The following FOXP1 variants were observed in gnomAD, a reference collection of about 807,000 sequenced individuals.
FOXP1 encodes forkhead box P1, also known as forkhead box protein P1.
FOXP1 carries 15 observed loss-of-function variants against 98.2 expected under a neutral mutation model. The observed-to-expected ratio is 0.15, with a 90% CI of 0.10 to 0.24. FOXP1 has a LOEUF of 0.24. Ranked by LOEUF, FOXP1 falls within the 10% of genes least tolerant of loss-of-function variation. The pLI is 1.00. For missense variants in FOXP1, 633 were observed against 848.5 expected, an observed-to-expected ratio of 0.75 and a Z score of 3.15; for synonymous variants, 371 against 314.5, an observed-to-expected ratio of 1.18 and a Z score of -1.90.
chr3:71,099,544 C>T (rs569622376), intron 7 of FOXP1, among the ~76,000 whole-genome samples: 2 of 151,966 alleles, frequency 1.3e-5, no homozygotes, highest in Admixed American at 1.3e-4. Context: ...CAAAACAAAA[C>T]AAAAAAACCC....
intron 3 of FOXP1, among the ~76,000 whole-genome samples, chr3:71,396,283 G>C (rs912446016): frequency 2.6e-5 from 4 of 152,250 alleles, no homozygotes; most frequent in African/African-American, 9.6e-5. Flanking sequence ...GTGTAACCAG[G>C]AATGTGGTGC....
At chr3:71,401,844 T>C (rs2081974909) in intron 3 of FOXP1, among the ~76,000 whole-genome samples, 1 of 152,244 alleles carries the variant, frequency 6.6e-6, no homozygotes, top group African/African-American at 2.4e-5. Context: ...AATTTGAATC[T>C]GTCTGTTACA....
rs2032090116 is a variant in FOXP1 at position 70,957,427 on chromosome 3, C to T, written c.*1820G>A. Reference sequence around the variant, plus strand: ...TGTCATTTGCCTCTAAATTCTTTTGCCTCCTTTGATCAACAATAAGAGGAT... The same window carrying T: ...TGTCATTTGCCTCTAAATTCTTTTGTCTCCTTTGATCAACAATAAGAGGAT... On this transcript the variant is annotated 3_prime_UTR_variant, in exon 21 of 21. Transcript: ENST00000649528. 4.3e-6 allele frequency: 1 copy of T among 229,932 alleles called. No individual in the cohort carries two copies. Among genetic ancestry groups the T allele is most frequent in the Non-Finnish European group, 8.6e-6 (1 of 115,852 alleles). 14.2% of individuals were successfully genotyped at this position (229,932 alleles called of 1,614,324 possible).
At chr3:71,094,579 G>T (rs1430066510) in intron 7 of FOXP1, among the ~76,000 whole-genome samples, 1 of 152,168 alleles carries the variant, frequency 6.6e-6, no homozygotes, top group East Asian at 1.9e-4. Flanking sequence ...GTTTACAACT[G>T]CCAACTTCCA....
intron 11 of FOXP1, among the ~76,000 whole-genome samples, chr3:71,023,989 C>T (rs2045784419): frequency 6.6e-6 from 1 of 152,174 alleles, no homozygotes; most frequent in African/African-American, 2.4e-5. Flanking sequence ...CACCACTTTC[C>T]ACTTTACAGT....
chr3:71,105,898 T>C (rs1189560136), intron 7 of FOXP1, among the ~76,000 whole-genome samples: 1 of 152,218 alleles, frequency 6.6e-6, no homozygotes, highest in Non-Finnish European at 1.5e-5. Flanking sequence ...GTTTCAGCTG[T>C]CTTTTTTTTG....
chr3:70,980,049 C>T (rs1201575614), intron 14 of FOXP1, among the ~76,000 whole-genome samples: 1 of 151,976 alleles, frequency 6.6e-6, no homozygotes, highest in African/African-American at 2.4e-5. Flanking sequence ...CTTACAAATG[C>T]CCCAGCAAGC....
intron 11 of FOXP1, among the ~76,000 whole-genome samples, chr3:71,032,436 G>T (rs900165342): frequency 1.3e-5 from 2 of 152,184 alleles, no homozygotes; most frequent in African/African-American, 4.8e-5. Context: ...ATTCACACAG[G>T]CAGAAGTGAC....
intron 6 of FOXP1, among the ~76,000 whole-genome samples, chr3:71,151,827 T>C (rs1362489012): frequency 6.6e-6 from 1 of 152,152 alleles, no homozygotes; most frequent in Non-Finnish European, 1.5e-5. Flanking sequence ...ACAAACACTC[T>C]TAGCTCTGTC....
rs2081143521 is a variant in FOXP1 at position 71,393,060 on chromosome 3, T to C, written c.-167-33816A>G. On this transcript the variant is annotated intron_variant, in intron 3 of 20. Transcript: ENST00000649528. Reference sequence around the variant, plus strand: ...ATTGGTGAAATTAAAGAAATAATTATAATATGCCCAAGAATAATAAAAATG... The same window carrying C: ...ATTGGTGAAATTAAAGAAATAATTACAATATGCCCAAGAATAATAAAAATG... 2.0e-5 allele frequency among the ~76,000 whole-genome samples: 3 copies of C among 152,200 alleles called. No individual in the cohort carries two copies. The South Asian group carries it at 6.2e-4, about 31-fold the overall frequency.
intron 3 of FOXP1, among the ~76,000 whole-genome samples, chr3:71,369,129 C>A (rs1036465249): frequency 2.0e-5 from 3 of 152,004 alleles, no homozygotes; most frequent in African/African-American, 7.3e-5. Flanking sequence ...GTGGCTCACG[C>A]CTGTAATCCC....
chr3:71,131,077 T>C (rs550080429), intron 6 of FOXP1: 2 of 293,662 alleles, frequency 6.8e-6, no homozygotes, highest in South Asian at 2.7e-4. Context: ...AGAAGAAAAT[T>C]CAGATTTTGC....
intron 6 of FOXP1, among the ~76,000 whole-genome samples, chr3:71,158,780 G>A (rs1459378404): frequency 2.0e-5 from 3 of 148,202 alleles, no homozygotes; most frequent in East Asian, 4.0e-4. Context: ...GATATGTTAC[G>A]TTGTCAAAGG....
rs2032134676 is a variant in FOXP1, at chr3:70,957,619, G to C, written c.*1628C>G. 4.3e-6 allele frequency: 1 copy of C among 232,786 alleles called. No individual in the cohort carries two copies. The allele number at this position is 232,786 out of a possible 1,614,324, so 14.4% of individuals were successfully genotyped here. ...CTATATAAATAAATGACAGGAAAGTGGGTGCAGAGCTGAAGTGTGGAGGGG... is the reference window on the plus strand; with the variant it reads ...CTATATAAATAAATGACAGGAAAGTCGGTGCAGAGCTGAAGTGTGGAGGGG... On this transcript the variant is annotated 3_prime_UTR_variant, in exon 21 of 21. Coordinates refer to ENST00000649528, the MANE Select transcript of FOXP1 (RefSeq NM_001349338.3).
chr3:71,305,642 T>A (rs1296922609), intron 4 of FOXP1: 1 of 152,186 alleles, frequency 6.6e-6, no homozygotes, highest in Non-Finnish European at 1.5e-5. Context: ...AGCTGCTCTC[T>A]CTCTCTCTTT....
Position 71,371,632 on chromosome 3 carries a change from A to T in FOXP1, c.-167-12388T>A, listed in dbSNP as rs190119801. 2.1e-3 allele frequency among the ~76,000 whole-genome samples: 321 copies of T among 152,288 alleles called. 3 individuals are homozygous for T. The highest frequency in any genetic ancestry group is 7.6e-3 in the African/African-American group (314 of 41,556). The stretch of plus-strand genomic sequence containing the variant: ...AAGATTCCATTACAATAAAAAATTT[A>T]AAAAATTACGCAGGCATGGTGGCAC... On this transcript the variant is annotated intron_variant, in intron 3 of 20. Coordinates refer to ENST00000649528, the MANE Select transcript of FOXP1 (RefSeq NM_001349338.3).
intron 14 of FOXP1, among the ~76,000 whole-genome samples, chr3:70,983,012 G>A (rs1023700229): frequency 2.0e-5 from 3 of 152,200 alleles, no homozygotes; most frequent in African/African-American, 4.8e-5. Flanking sequence ...CTCAAGTCCT[G>A]CTTTAACTGC....
chr3:71,558,022 G>GTA (rs2046263657), intron 2 of FOXP1, among the ~76,000 whole-genome samples: 1 of 152,042 alleles, frequency 6.6e-6, no homozygotes, highest in African/African-American at 2.4e-5. Context: ...TCACTATGTC[G>GTA]GCCGGGCTGG....
intron 3 of FOXP1, among the ~76,000 whole-genome samples, chr3:71,467,047 CTGGGTACT>C (rs1042702544): frequency 1.3e-5 from 2 of 152,138 alleles, no homozygotes; most frequent in African/African-American, 4.8e-5. Context: ...AAGGAGGTGA[CTGGGTACT>C]TGGGCTTTGG....
Sources: gnomAD v4.1 joint callset for allele counts (sites outside exome capture counted in the v4.1 genomes callset) on GRCh38, gnomAD v4.1.1 for gene constraint, MANE v1.5 for transcripts, NCBI Gene and HGNC (gene_info 2026-07-23, HGNC 2026-07-21) for gene names.